The following GTF2E1 variants were observed in gnomAD, a reference collection of about 807,000 sequenced individuals.
The protein encoded by GTF2E1 is general transcription factor IIE subunit 1.
A neutral mutation model predicts 34.9 loss-of-function variants in GTF2E1; 14 were observed. The observed-to-expected ratio is 0.40, with a 90% CI of 0.27 to 0.63. The LOEUF (loss-of-function observed/expected upper bound fraction) is 0.63, where lower values mean the gene tolerates loss of function less well. GTF2E1 is among the 20% of genes least tolerant of loss of function. The pLI, the probability that GTF2E1 is intolerant of heterozygous loss-of-function variation, is 0.39. For missense variants in GTF2E1, 469 were observed against 557.7 expected, an observed-to-expected ratio of 0.84 and a Z score of 1.60; for synonymous variants, 188 against 192.9, an observed-to-expected ratio of 0.97 and a Z score of 0.21.
chr3:120,771,267 C>T (rs569506543), intron 3 of GTF2E1, among the ~76,000 whole-genome samples: 2 of 152,180 alleles, frequency 1.3e-5, no homozygotes, highest in East Asian at 3.9e-4. Context: ...TTTTCCTAGC[C>T]AGCTTCTGAA....
chr3:120,759,382 G>A (rs983893641), intron 2 of GTF2E1, among the ~76,000 whole-genome samples: 17 of 152,134 alleles, frequency 1.1e-4, no homozygotes, highest in Non-Finnish European at 2.4e-4. Context: ...CTCCCATTCT[G>A]TAGGTTGCCT....
chr3:120,757,031 T>C (rs1709215721), intron 2 of GTF2E1, among the ~76,000 whole-genome samples: 1 of 152,334 alleles, frequency 6.6e-6, no homozygotes, highest in Admixed American at 6.5e-5. Flanking sequence ...AGAGTTGCTT[T>C]TTAGTTTTGA....
chr3:120,760,171 G>A (rs145361544), intron 2 of GTF2E1, among the ~76,000 whole-genome samples: 2,673 of 152,164 alleles, frequency 0.018, 80 homozygotes, highest in African/African-American at 0.061. Context: ...TGGATTCCTA[G>A]GTATTTTATT....
chr3:120,745,669 G>T (rs1709098993), intron 1 of GTF2E1, among the ~76,000 whole-genome samples: 1 of 152,190 alleles, frequency 6.6e-6, no homozygotes, highest in Non-Finnish European at 1.5e-5. Flanking sequence ...ACAATAGTAG[G>T]AAATAATCCT....
chr3:120,758,053 C>T (rs760194734), intron 2 of GTF2E1, among the ~76,000 whole-genome samples: 17 of 152,028 alleles, frequency 1.1e-4, no homozygotes, highest in Admixed American at 2.0e-4. Flanking sequence ...CCAGCTACTC[C>T]GGAGGCTGAG....
At chr3:120,755,590 G>T (rs1405562500) in intron 2 of GTF2E1, among the ~76,000 whole-genome samples, 11 of 152,040 alleles carry the variant, frequency 7.2e-5, no homozygotes, top group Non-Finnish European at 1.3e-4. Flanking sequence ...GGAGAATGGG[G>T]TATCCATCCC....
chr3:120,779,739 A>T (rs1164958162), intron 4 of GTF2E1, among the ~76,000 whole-genome samples: 2 of 152,210 alleles, frequency 1.3e-5, no homozygotes, highest in Non-Finnish European at 2.9e-5. Context: ...ACAGACATTC[A>T]CTTAATCCCC....
intron 1 of GTF2E1, among the ~76,000 whole-genome samples, chr3:120,746,042 A>G (rs1192605389): frequency 1.3e-5 from 2 of 152,076 alleles, no homozygotes; most frequent in Non-Finnish European, 2.9e-5. Context: ...CTTTTCCTTT[A>G]TTACAGGAAG....
chr3:120,764,718 T>C (rs1490762249), intron 2 of GTF2E1, among the ~76,000 whole-genome samples: 1 of 152,244 alleles, frequency 6.6e-6, no homozygotes, highest in Non-Finnish European at 1.5e-5. Context: ...TTGTCAGTTA[T>C]ACATTTCCAG....
At chr3:120,766,958 G>T (rs761892793) in intron 2 of GTF2E1, among the ~76,000 whole-genome samples, 1 of 152,000 alleles carries the variant, frequency 6.6e-6, no homozygotes, top group Non-Finnish European at 1.5e-5. Context: ...AATGCTGCTG[G>T]TATATTAAAC....
intron 1 of GTF2E1, among the ~76,000 whole-genome samples, chr3:120,748,428 A>T (rs958010079): frequency 4.6e-5 from 7 of 152,112 alleles, no homozygotes; most frequent in South Asian, 2.1e-4. Context: ...AATTTTTGTA[A>T]AAGGTGTAAG....
intron 2 of GTF2E1, among the ~76,000 whole-genome samples, chr3:120,755,133 T>TA (rs1292647004): frequency 6.6e-6 from 1 of 152,180 alleles, no homozygotes. Context: ...AAATAACTCG[T>TA]AAAAATAGCC....
intron 1 of GTF2E1, among the ~76,000 whole-genome samples, chr3:120,744,463 A>G (rs1476013001): frequency 2.6e-5 from 4 of 152,190 alleles, no homozygotes; most frequent in African/African-American, 9.6e-5. Flanking sequence ...GGAATATCCT[A>G]TGGTATTTCC....
chr3:120,782,969 G>C lies in GTF2E1; in HGVS notation c.*1499G>C, dbSNP rs1012562554. ...ATTTTTAAGTATTTATCATTTTATA[G>C]TACACATGTAAAGAATATATGAGCC... On this transcript the variant is annotated 3_prime_UTR_variant, in exon 5 of 5. Transcript: ENST00000283875. The C allele has an allele frequency of 6.6e-6, 1 of 152,018 alleles. No homozygotes were observed. Among genetic ancestry groups the C allele is most frequent in the African/African-American group, 2.4e-5 (1 of 41,380 alleles). 9.4% of individuals were successfully genotyped at this position (152,018 alleles called of 1,614,324 possible).
At chr3:120,766,421 C>T (rs1000250442) in intron 2 of GTF2E1, among the ~76,000 whole-genome samples, 7 of 152,160 alleles carry the variant, frequency 4.6e-5, no homozygotes, top group African/African-American at 1.7e-4. Flanking sequence ...GCTTATCATT[C>T]AAGACCAATT....
chr3:120,746,438 G>C (rs373354914), intron 1 of GTF2E1, among the ~76,000 whole-genome samples: 1 of 151,702 alleles, frequency 6.6e-6, no homozygotes, highest in African/African-American at 2.4e-5. Context: ...GCAGTGAGCC[G>C]AGCTTGCGCC....
intron 3 of GTF2E1, among the ~76,000 whole-genome samples, chr3:120,772,399 C>G (rs1424163646): frequency 1.3e-5 from 2 of 151,944 alleles, no homozygotes; most frequent in Non-Finnish European, 2.9e-5. Context: ...AACCAATAAG[C>G]AAAGAAAGAA....
intron 2 of GTF2E1, among the ~76,000 whole-genome samples, chr3:120,756,631 A>T: frequency 6.6e-6 from 1 of 152,110 alleles, no homozygotes; most frequent in East Asian, 1.9e-4. Context: ...GAACTTTTTT[A>T]AAAAAACATT....
chr3:120,769,282 T>C (rs1004705618), intron 2 of GTF2E1, among the ~76,000 whole-genome samples: 3 of 152,180 alleles, frequency 2.0e-5, no homozygotes, highest in Admixed American at 2.0e-4. Flanking sequence ...AATCTTTATG[T>C]TCGTGACCAT....
Sources: allele counts gnomAD v4.1 joint callset (sites outside exome capture counted in the v4.1 genomes callset), GRCh38; gene constraint gnomAD v4.1.1; transcripts MANE v1.5; gene names NCBI Gene and HGNC (gene_info 2026-07-23, HGNC 2026-07-21).